Variants in ATP2A2 observed in about 807,000 individuals in gnomAD.
ATP2A2 encodes the protein ATPase sarcoplasmic/endoplasmic reticulum Ca2+ transporting 2, also known as sarcoplasmic/endoplasmic reticulum calcium ATPase 2.
ATP2A2 carries 14 observed loss-of-function variants against 109.3 expected under a neutral mutation model. The ratio of observed to expected loss-of-function variants is 0.13; its 90% confidence interval spans 0.08 to 0.20. The LOEUF is 0.20. Ranked by LOEUF, ATP2A2 falls within the 10% of genes least tolerant of loss-of-function variation. The pLI is 1.00. For missense variants in ATP2A2, 657 were observed against 1,321.6 expected, an observed-to-expected ratio of 0.50 and a Z score of 7.80; for synonymous variants, 506 against 490.9, an observed-to-expected ratio of 1.03 and a Z score of -0.41.
chr12:110,339,198 T>C lies in ATP2A2; in HGVS notation c.1420-83T>C, dbSNP rs924109651. The C allele has an allele frequency of 2.6e-6, 4 of 1,557,278 alleles. No homozygotes were observed. The highest frequency in any genetic ancestry group is 3.5e-6 in the Non-Finnish European group (4 of 1,132,640). On this transcript the variant is annotated intron_variant, in intron 11 of 19. Transcript: ENST00000539276. This position sits in a 1 kb window ranked among gnomAD's most constrained non-coding sequence, Gnocchi z 4.4. ...ATTGCTATATTCCTAGCATCTGTCA[T>C]GTAATAGGTGTGCTTACTGCTTGTT...
chr12:110,284,710 G>A (rs1032348513), intron 3 of ATP2A2, among the ~76,000 whole-genome samples: 2 of 152,148 alleles, frequency 1.3e-5, no homozygotes. Flanking sequence ...TTTTGGAGTT[G>A]AAATTTGAGC....
chr12:110,320,235 A>C (rs921938061), intron 5 of ATP2A2, among the ~76,000 whole-genome samples: 2 of 152,190 alleles, frequency 1.3e-5, no homozygotes, highest in Non-Finnish European at 2.9e-5. Flanking sequence ...ACCTTTTAAA[A>C]TTTGTCAAGT....
intron 5 of ATP2A2, among the ~76,000 whole-genome samples, chr12:110,299,066 C>G (rs1308519443): frequency 6.6e-6 from 1 of 151,908 alleles, no homozygotes; most frequent in Non-Finnish European, 1.5e-5. Context: ...ACCTCCTGGG[C>G]TCAAGTGATT....
At chr12:110,310,375 C>A (rs1179673708) in intron 5 of ATP2A2, among the ~76,000 whole-genome samples, 1 of 152,102 alleles carries the variant, frequency 6.6e-6, no homozygotes, top group Non-Finnish European at 1.5e-5. Context: ...ATCCTCTTCC[C>A]TTGGCCTCCC....
intron 5 of ATP2A2, among the ~76,000 whole-genome samples, chr12:110,303,191 A>G (rs1329782157): frequency 6.6e-6 from 1 of 152,218 alleles, no homozygotes; most frequent in Non-Finnish European, 1.5e-5. Flanking sequence ...TGTGCAGAAC[A>G]AACAGTTGAA....
rs183638909 is a variant in ATP2A2, at chr12:110,317,593, G to T, written c.464-5399G>T. ...GAGTTTCACCATGTTGGCCAGGCTG[G>T]TCTCAAACTCCTGACCTCAAATGCT... On this transcript the variant is annotated intron_variant, in intron 5 of 19. Coordinates refer to ENST00000539276, the MANE Select transcript of ATP2A2 (RefSeq NM_170665.4). 5.9e-4 allele frequency among the ~76,000 whole-genome samples: 90 copies of T among 152,238 alleles called. 1 individual carries two copies. The East Asian group carries it at 0.014, about 24-fold the overall frequency.
Position 110,281,913 on chromosome 12 carries a change from T to C in ATP2A2, c.118+6T>C. On this transcript the variant is annotated splice_donor_region_variant and intron_variant, in intron 1 of 19. Transcript: ENST00000539276. ...GGAGAGATGGGGCTCCAACGGTAGG[T>C]GCAGGGCGCTCCGCTGCAGGGGCCC... 1 of 1,566,056 alleles carries C rather than the reference T, an allele frequency of 6.4e-7. No individual in the cohort carries two copies. Among genetic ancestry groups the C allele is most frequent in the Non-Finnish European group, 8.6e-7 (1 of 1,158,110 alleles).
At chr12:110,307,845 C>T (rs896757341) in intron 5 of ATP2A2, among the ~76,000 whole-genome samples, 1 of 152,136 alleles carries the variant, frequency 6.6e-6, no homozygotes. Flanking sequence ...GAAACTCTTT[C>T]GTTTAACTAG....
chr12:110,337,043 C>A (rs541555844), intron 11 of ATP2A2, among the ~76,000 whole-genome samples: 10 of 152,342 alleles, frequency 6.6e-5, no homozygotes, highest in South Asian at 4.1e-4. Context: ...TGGGGCTGAA[C>A]CAGCACTGGC....
chr12:110,347,700 G>T lies in ATP2A2; in HGVS notation c.*1230G>T. The T allele has an allele frequency of 8.6e-7, 1 of 1,166,726 alleles. No homozygotes were observed. The highest frequency in any genetic ancestry group is 1.1e-6 in the Non-Finnish European group (1 of 930,480). 72.3% of individuals were successfully genotyped at this position (1,166,726 alleles called of 1,614,324 possible). A position where few individuals can be genotyped will look rare whatever the true frequency, so the allele number is the denominator to read the frequency against. ...GTTACTACGATCAATGTTTGCGCAT[G>T]TTCGAGATGAGTCTCACCAACAGTG... On this transcript the variant is annotated 3_prime_UTR_variant, in exon 20 of 20. Transcript: ENST00000539276.
chr12:110,329,070 A>G (rs1047920263), intron 8 of ATP2A2, among the ~76,000 whole-genome samples: 1 of 152,232 alleles, frequency 6.6e-6, no homozygotes, highest in Non-Finnish European at 1.5e-5. Context: ...CTCAGATACC[A>G]AACTCTGCAG....
intron 11 of ATP2A2, among the ~76,000 whole-genome samples, chr12:110,337,986 C>G (rs1425911650): frequency 1.3e-5 from 2 of 152,204 alleles, no homozygotes; most frequent in Non-Finnish European, 2.9e-5. Flanking sequence ...AAGGTTTATT[C>G]TCAGTCTTCG....
At chr12:110,282,484 A>G in intron 1 of ATP2A2, 120 bp from the exon 2 acceptor site, 1 of 1,337,620 alleles carries the variant, frequency 7.5e-7, no homozygotes, top group Non-Finnish European at 1.1e-6. Flanking sequence ...TGTTTTAAAG[A>G]TATTGATGCT....
At chr12:110,323,161 A>G (rs1006468094) in intron 6 of ATP2A2, 89 bp downstream of exon 6, 5 of 957,716 alleles carry the variant, frequency 5.2e-6, no homozygotes, top group African/African-American at 3.2e-5. Flanking sequence ...CTGTCCCTTT[A>G]TGGTATCCCA....
intron 5 of ATP2A2, among the ~76,000 whole-genome samples, chr12:110,305,197 G>T (rs1198356991): frequency 6.6e-6 from 1 of 152,166 alleles, no homozygotes; most frequent in African/African-American, 2.4e-5. Flanking sequence ...GCCTCTCAAA[G>T]TGCTGCGATT....
At chr12:110,310,165 A>G (rs1412302462) in intron 5 of ATP2A2, among the ~76,000 whole-genome samples, 1 of 149,350 alleles carries the variant, frequency 6.7e-6, no homozygotes, top group Non-Finnish European at 1.5e-5. Flanking sequence ...TTTTTTTTTT[A>G]AAGTAGAGAC....
chr12:110,336,617 G>A (rs1402443055), intron 11 of ATP2A2, among the ~76,000 whole-genome samples: 1 of 152,212 alleles, frequency 6.6e-6, no homozygotes, highest in African/African-American at 2.4e-5. Flanking sequence ...TCCATGACCT[G>A]TATGGCGTGG....
At chr12:110,307,055 G>A (rs945377801) in intron 5 of ATP2A2, among the ~76,000 whole-genome samples, 5 of 151,698 alleles carry the variant, frequency 3.3e-5, no homozygotes, top group Non-Finnish European at 4.4e-5. Context: ...CACCACGCCC[G>A]GCCACAATTT....
At position 110,296,398 on chromosome 12, in the gene ATP2A2, G is replaced by C. The variant is rs1873965018; in HGVS notation, c.325-201G>C. On this transcript the variant is annotated intron_variant, in intron 4 of 19. Transcript: ENST00000539276. Reference sequence around the variant, plus strand: ...TGTTTTATCCCCTTAGCTTAATTGAGGGTACTTAACGTTTCGTTTTTAATA... The same window carrying C: ...TGTTTTATCCCCTTAGCTTAATTGACGGTACTTAACGTTTCGTTTTTAATA... 19 of 641,518 alleles carry C rather than the reference G, an allele frequency of 3.0e-5. 1 individual carries two copies. In the South Asian group the frequency reaches 3.5e-4, roughly 12 times the overall value. The allele number at this position is 641,518 out of a possible 1,614,324, so 39.7% of individuals were successfully genotyped here.
Sources: allele counts gnomAD v4.1 joint callset (sites outside exome capture counted in the v4.1 genomes callset), GRCh38; gene constraint gnomAD v4.1.1; non-coding constraint Gnocchi (gnomAD v3.1); transcripts MANE v1.5; gene names NCBI Gene and HGNC (gene_info 2026-07-23, HGNC 2026-07-21).